NWD2: variants seen among roughly 807,000 people sequenced by gnomAD.
NWD2 encodes NACHT and WD repeat domain-containing protein 2.
A neutral mutation model predicts 132.7 loss-of-function variants in NWD2; 37 were observed. The ratio of observed to expected loss-of-function variants is 0.28; its 90% CI spans 0.21 to 0.37. The LOEUF is 0.37. Among genes scored for constraint, NWD2 ranks in the 10% least tolerant of loss-of-function variants. The pLI, the probability that NWD2 is intolerant of heterozygous loss-of-function variation, is 1.00. For missense variants in NWD2, 1,592 were observed against 2,122.4 expected (o/e 0.75, Z 4.91); for synonymous variants, 705 against 803.0 (o/e 0.88, Z 2.06).
At chr4:37,329,331 G>A (rs1719241608) in intron 2 of NWD2, among the ~76,000 whole-genome samples, 1 of 152,096 alleles carries the variant, frequency 6.6e-6, no homozygotes, top group Non-Finnish European at 1.5e-5. Context: ...AGATTCCAGG[G>A]ATAATAAATG....
chr4:37,364,726 T>TGCCATCAGTGGCACA (rs1560405005), intron 3 of NWD2, among the ~76,000 whole-genome samples: 1 of 116,230 alleles, frequency 8.6e-6, no homozygotes, highest in Non-Finnish European at 1.9e-5. Context: ...ACACACACAC[T>TGCCATCAGTGGCACA]GCCATCAGTG....
intron 3 of NWD2, among the ~76,000 whole-genome samples, chr4:37,399,088 TC>T (rs1380083798): frequency 3.3e-5 from 5 of 152,252 alleles, no homozygotes; most frequent in Admixed American, 6.5e-5. Context: ...TATTTAATGT[TC>T]TTTTTAAATG....
chr4:37,348,191 A>G (rs1176394482), intron 2 of NWD2, among the ~76,000 whole-genome samples: 1 of 152,220 alleles, frequency 6.6e-6, no homozygotes, highest in Non-Finnish European at 1.5e-5. Context: ...AGAACCAGAA[A>G]ATAAGAGTAA....
At chr4:37,337,759 G>T (rs569772505) in intron 2 of NWD2, among the ~76,000 whole-genome samples, 1 of 151,968 alleles carries the variant, frequency 6.6e-6, no homozygotes, top group South Asian at 2.1e-4. Flanking sequence ...AACATCTCCA[G>T]CTCTCTCTCC....
At chr4:37,432,956 C>G (rs545027142) in intron 4 of NWD2, among the ~76,000 whole-genome samples, 1 of 152,326 alleles carries the variant, frequency 6.6e-6, no homozygotes, top group South Asian at 2.1e-4. Flanking sequence ...TTGATTCAGT[C>G]AGCACCCAGG....
At chr4:37,392,200 C>CA (rs1328576637) in intron 3 of NWD2, among the ~76,000 whole-genome samples, 1 of 151,856 alleles carries the variant, frequency 6.6e-6, no homozygotes, top group Non-Finnish European at 1.5e-5. Flanking sequence ...GACCCTATCT[C>CA]AAAAAAACAT....
At chr4:37,428,324 A>T (rs187077191) in intron 3 of NWD2, among the ~76,000 whole-genome samples, 1 of 152,358 alleles carries the variant, frequency 6.6e-6, no homozygotes, top group Non-Finnish European at 1.5e-5. Context: ...AATCAACAAG[A>T]GGAAAGAAGA....
intron 3 of NWD2, among the ~76,000 whole-genome samples, chr4:37,403,162 A>G (rs1720928952): frequency 6.6e-6 from 1 of 152,180 alleles, no homozygotes; most frequent in Non-Finnish European, 1.5e-5. Flanking sequence ...TTGTGCCCTT[A>G]TTATGTACCA....
At chr4:37,398,707 G>A (rs555713653) in intron 3 of NWD2, among the ~76,000 whole-genome samples, 8 of 152,198 alleles carry the variant, frequency 5.3e-5, no homozygotes, top group Admixed American at 2.0e-4. Context: ...GCAAGTATTC[G>A]TGACTAAACA....
At chr4:37,319,952 A>C (rs1474844383) in intron 1 of NWD2, among the ~76,000 whole-genome samples, 4 of 152,140 alleles carry the variant, frequency 2.6e-5, no homozygotes, top group African/African-American at 9.7e-5. Context: ...TGCTTTGGCC[A>C]TTCAGTCCCT....
Position 37,383,516 on chromosome 4 carries a change from A to C in NWD2, c.357+27034A>C, listed in dbSNP as rs112176013. ...TTATTGGCCTGTCTGTTCACATAGA[A>C]TATGTCTCATCTTGTCTGTGTCTTC... On this transcript the variant is annotated intron_variant, in intron 3 of 6. Transcript: ENST00000309447. Among the ~76,000 whole-genome samples, 1,013 of 152,224 alleles carry C rather than the reference A, an allele frequency of 6.7e-3. 8 individuals are homozygous for C. Among genetic ancestry groups the C allele is most frequent in the African/African-American group, 0.023 (973 of 41,522 alleles).
At chr4:37,294,063 C>A (rs956375834) in intron 1 of NWD2, among the ~76,000 whole-genome samples, 1 of 152,080 alleles carries the variant, frequency 6.6e-6, no homozygotes, top group Non-Finnish European at 1.5e-5. Context: ...TCCCCACCCC[C>A]CTACTCCTTT....
At chr4:37,275,278 C>T (rs1314816065) in intron 1 of NWD2, among the ~76,000 whole-genome samples, 4 of 152,110 alleles carry the variant, frequency 2.6e-5, no homozygotes, top group Admixed American at 1.3e-4. Context: ...CATTCTTATA[C>T]ACCAATAACA....
At chr4:37,274,852 G>A (rs1217831443) in intron 1 of NWD2, among the ~76,000 whole-genome samples, 3 of 151,326 alleles carry the variant, frequency 2.0e-5, no homozygotes, top group African/African-American at 7.3e-5. Context: ...CTCAATAGAT[G>A]CAGAAAAGGC....
At chr4:37,251,751 A>G (rs1488898079) in intron 1 of NWD2, among the ~76,000 whole-genome samples, 1 of 152,240 alleles carries the variant, frequency 6.6e-6, no homozygotes, top group African/African-American at 2.4e-5. Context: ...TTCAGCCCCT[A>G]CAGTACTAAG....
intron 1 of NWD2, among the ~76,000 whole-genome samples, chr4:37,258,917 A>G (rs1717573827): frequency 6.6e-6 from 1 of 152,224 alleles, no homozygotes; most frequent in Non-Finnish European, 1.5e-5. Flanking sequence ...TGCTGATATC[A>G]CAAGTAGGAT....
At chr4:37,345,644 G>A (rs1719619069) in intron 2 of NWD2, among the ~76,000 whole-genome samples, 1 of 152,060 alleles carries the variant, frequency 6.6e-6, no homozygotes, top group Non-Finnish European at 1.5e-5. Context: ...CTTGCATTTT[G>A]TGTTTACTAT....
intron 1 of NWD2, among the ~76,000 whole-genome samples, chr4:37,254,849 T>C (rs753654449): frequency 6.6e-6 from 1 of 152,226 alleles, no homozygotes; most frequent in Non-Finnish European, 1.5e-5. Flanking sequence ...GACTGTGAAA[T>C]GGCACACTCA....
At chr4:37,269,820 C>T (rs941563528) in intron 1 of NWD2, among the ~76,000 whole-genome samples, 9 of 151,772 alleles carry the variant, frequency 5.9e-5, no homozygotes, top group East Asian at 5.8e-4. Context: ...CTGTTATGAA[C>T]ATTTTTAGAG....
Sources: allele counts gnomAD v4.1 joint callset (sites outside exome capture counted in the v4.1 genomes callset), GRCh38; gene constraint gnomAD v4.1.1; transcripts MANE v1.5; gene names NCBI Gene and HGNC (gene_info 2026-07-23, HGNC 2026-07-21).